CAMTA1: variants seen among roughly 807,000 people sequenced by gnomAD.
CAMTA1 encodes the protein calmodulin-binding transcription activator 1.
A neutral mutation model predicts 170.9 loss-of-function variants in CAMTA1; 27 were observed. The ratio of observed to expected loss-of-function variants is 0.16; its 90% CI spans 0.12 to 0.22. The LOEUF is 0.22. CAMTA1 is among the 10% of genes least tolerant of loss of function. The pLI is 1.00. For synonymous variants in CAMTA1, 833 were observed against 891.5 expected (o/e 0.93, Z 1.17); for missense variants, 1,619 against 2,217.2 (o/e 0.73, Z 5.42).
chr1:6,871,032 T>C lies in CAMTA1; in HGVS notation c.234+45822T>C, dbSNP rs137857995. Among the ~76,000 whole-genome samples the C allele has an allele frequency of 7.7e-3, 1,178 of 152,292 alleles. 12 individuals carry two copies. The highest frequency in any genetic ancestry group is 0.011 in the Non-Finnish European group (729 of 68,006). On this transcript the variant is annotated intron_variant, in intron 3 of 22. Transcript: ENST00000303635. The stretch of plus-strand genomic sequence containing the variant: ...CATAGGTCTATCCTTTTAAAAAACA[T>C]AAACTGCTTTAGTTTGTTAATGGGA...
rs938032578 is a variant in CAMTA1 at position 7,674,035 on chromosome 1, G to A, written c.2779+2998G>A. ...CCCAGAGGAATCTGAGGCTGAGCTC[G>A]AAGGATGAACACTTGGAAGTCAGAA... is the stretch of plus-strand genomic sequence containing the variant. On this transcript the variant is annotated intron_variant, in intron 10 of 22. Coordinates refer to ENST00000303635, the MANE Select transcript of CAMTA1 (RefSeq NM_015215.4). The surrounding 1 kb of genome is among the most constrained non-coding windows in gnomAD (Gnocchi z 4.1). Among the ~76,000 whole-genome samples the A allele has an allele frequency of 7.9e-5, 12 of 152,266 alleles. No homozygotes were observed. The highest frequency in any genetic ancestry group is 1.3e-4 in the Admixed American group (2 of 15,292).
intron 5 of CAMTA1, among the ~76,000 whole-genome samples, chr1:7,384,969 TG>T (rs1317460815): frequency 6.6e-6 from 1 of 152,132 alleles, no homozygotes; most frequent in African/African-American, 2.4e-5. Context: ...TCCTTTCCTG[TG>T]TGAGCTCCCA....
intron 5 of CAMTA1, among the ~76,000 whole-genome samples, chr1:7,272,692 C>CAAAAAAAAAAAAAAAAAGAA (rs1669990762): frequency 2.6e-5 from 1 of 38,802 alleles, no homozygotes; most frequent in Non-Finnish European, 4.6e-5. Context: ...TAAACACATG[C>CAAAAAAAAAAAAAAAAAGAA]AAAAAAAAAA....
intron 11 of CAMTA1, among the ~76,000 whole-genome samples, chr1:7,679,827 G>C (rs112853313): frequency 4.6e-5 from 7 of 152,342 alleles, no homozygotes; most frequent in African/African-American, 1.7e-4. Context: ...GGTCCACCTC[G>C]GCCCAGGGGC....
chr1:7,450,454 C>T (rs1167984682), intron 5 of CAMTA1, among the ~76,000 whole-genome samples: 1 of 152,212 alleles, frequency 6.6e-6, no homozygotes, highest in Non-Finnish European at 1.5e-5. Flanking sequence ...CCTCCACCCA[C>T]CTCTGCTGGA....
At chr1:6,871,723 T>C in intron 3 of CAMTA1, 1 of 1,514,422 alleles carries the variant, frequency 6.6e-7, no homozygotes, top group Non-Finnish European at 8.9e-7. Context: ...TCAGAGATAC[T>C]AGTTTTACTT....
intron 19 of CAMTA1, among the ~76,000 whole-genome samples, chr1:7,749,436 G>C (rs1303389948): frequency 6.6e-6 from 1 of 152,056 alleles, no homozygotes; most frequent in Non-Finnish European, 1.5e-5. Context: ...ACTGGCTTCT[G>C]TTTGGTGAGC....
chr1:7,530,497 G>T (rs539522573), intron 6 of CAMTA1, among the ~76,000 whole-genome samples: 9 of 152,152 alleles, frequency 5.9e-5, no homozygotes, highest in East Asian at 5.8e-4. Context: ...CACAAATGTC[G>T]CTGTCCACTG....
intron 6 of CAMTA1, among the ~76,000 whole-genome samples, chr1:7,558,148 A>T (rs1281168217): frequency 6.6e-6 from 1 of 152,076 alleles, no homozygotes; most frequent in Non-Finnish European, 1.5e-5. Context: ...GCAGCCTCTT[A>T]TCTCCTGCTT....
At chr1:7,607,403 A>G (rs1304917241) in intron 6 of CAMTA1, among the ~76,000 whole-genome samples, 1 of 149,500 alleles carries the variant, frequency 6.7e-6, no homozygotes, top group African/African-American at 2.5e-5. Context: ...GGACTGGTGG[A>G]TGGATGGATG....
intron 3 of CAMTA1, among the ~76,000 whole-genome samples, chr1:6,883,183 C>T (rs979769620): frequency 3.3e-5 from 5 of 152,106 alleles, no homozygotes; most frequent in Admixed American, 2.0e-4. Context: ...TGTGAGCCAC[C>T]GCGCCCGGAC....
intron 5 of CAMTA1, among the ~76,000 whole-genome samples, chr1:7,431,418 T>G (rs2092146286): frequency 6.6e-6 from 1 of 152,186 alleles, no homozygotes; most frequent in Non-Finnish European, 1.5e-5. Flanking sequence ...GGCATCCAGA[T>G]TTCTCATTTC....
chr1:7,558,195 G>A (rs766992763), intron 6 of CAMTA1, among the ~76,000 whole-genome samples: 5 of 152,196 alleles, frequency 3.3e-5, no homozygotes, highest in African/African-American at 2.4e-5. Context: ...GCTCCGCCTC[G>A]GGGCCGCATG....
chr1:7,419,589 A>T (rs1387918780), intron 5 of CAMTA1, among the ~76,000 whole-genome samples: 1 of 152,092 alleles, frequency 6.6e-6, no homozygotes, highest in Non-Finnish European at 1.5e-5. Context: ...ATTTAAGCTG[A>T]TGCTTCCCAA....
intron 5 of CAMTA1, among the ~76,000 whole-genome samples, chr1:7,371,751 G>C (rs553428206): frequency 6.6e-6 from 1 of 152,198 alleles, no homozygotes; most frequent in African/African-American, 2.4e-5. Flanking sequence ...AGATGAACCC[G>C]TTTCCATGAT....
At chr1:7,504,571 C>T (rs990917536) in intron 6 of CAMTA1, among the ~76,000 whole-genome samples, 3 of 152,254 alleles carry the variant, frequency 2.0e-5, no homozygotes, top group Non-Finnish European at 4.4e-5. Flanking sequence ...TTTGGGGCTT[C>T]CAGCTTGGTG....
intron 3 of CAMTA1, among the ~76,000 whole-genome samples, chr1:7,018,205 C>CG (rs996007176): frequency 4.7e-4 from 68 of 144,356 alleles, no homozygotes; most frequent in African/African-American, 1.6e-3. Context: ...ATGGATGGAG[C>CG]GGGGGCTTAG....
intron 6 of CAMTA1, among the ~76,000 whole-genome samples, chr1:7,499,103 G>A (rs2093911922): frequency 6.9e-6 from 1 of 143,928 alleles, no homozygotes; most frequent in Non-Finnish European, 1.5e-5. Context: ...GTGTCCATGA[G>A]TGAGTGTGTA....
At chr1:6,861,664 C>G (rs932729220) in intron 3 of CAMTA1, among the ~76,000 whole-genome samples, 2 of 152,156 alleles carry the variant, frequency 1.3e-5, no homozygotes, top group Admixed American at 1.3e-4. Context: ...TTTCTCATGA[C>G]ACGTCATTGT....
Sources: gnomAD v4.1 joint callset for allele counts (sites outside exome capture counted in the v4.1 genomes callset) on GRCh38, gnomAD v4.1.1 for gene constraint, Gnocchi (gnomAD v3.1) non-coding constraint, MANE v1.5 for transcripts, NCBI Gene and HGNC (gene_info 2026-07-23, HGNC 2026-07-21) for gene names.